VDR: variants seen among roughly 807,000 people sequenced by gnomAD.
VDR encodes vitamin D receptor.
In VDR, 19 loss-of-function variants were observed where a neutral mutation model predicts 39.7. The ratio of observed to expected loss-of-function variants is 0.48; its 90% CI spans 0.33 to 0.70. The LOEUF (loss-of-function observed/expected upper bound fraction) is 0.70, where lower values mean the gene tolerates loss of function less well. Ranked by LOEUF, VDR falls within the 30% of genes least tolerant of loss-of-function variation. VDR has a pLI of 0.02. For synonymous variants in VDR, 242 were observed against 215.8 expected, an observed-to-expected ratio of 1.12 and a Z score of -1.07; for missense variants, 442 against 570.5, an observed-to-expected ratio of 0.77 and a Z score of 2.29.
At chr12:47,851,943 G>A (rs1035903214) in intron 7 of VDR, among the ~76,000 whole-genome samples, 1 of 152,332 alleles carries the variant, frequency 6.6e-6, no homozygotes, top group Admixed American at 6.5e-5. Context: ...CTAGGGGACA[G>A]AGGAGAACAT....
At chr12:47,895,170 G>A (rs1426841520) in intron 1 of VDR, among the ~76,000 whole-genome samples, 1 of 152,228 alleles carries the variant, frequency 6.6e-6, no homozygotes, top group African/African-American at 2.4e-5. Context: ...AATAGGAGAG[G>A]AGGAGGAATA....
chr12:47,858,478 C>G (rs1201835026), intron 4 of VDR, among the ~76,000 whole-genome samples: 2 of 152,238 alleles, frequency 1.3e-5, no homozygotes, highest in Non-Finnish European at 2.9e-5. Context: ...AAGGGTGAGG[C>G]CTTGCAGCTC....
At chr12:47,893,078 T>C (rs996672213) in intron 1 of VDR, among the ~76,000 whole-genome samples, 1 of 152,204 alleles carries the variant, frequency 6.6e-6, no homozygotes. Context: ...GCCACACTCA[T>C]GTCAAAGGCC....
intron 3 of VDR, among the ~76,000 whole-genome samples, chr12:47,876,139 G>A (rs372908687): frequency 1.5e-4 from 23 of 152,224 alleles, no homozygotes; most frequent in South Asian, 4.1e-4. Flanking sequence ...GACCACAAAG[G>A]GGCTGCAAGT....
At chr12:47,882,623 G>GCCCCCGGCCCCCCC in intron 2 of VDR, 71 bp downstream of exon 2, 2 of 543,282 alleles carry the variant, frequency 3.7e-6, no homozygotes, top group East Asian at 3.6e-5. Flanking sequence ...ACCTTCTTAT[G>GCCCCCGGCCCCCCC]CCCCTCCCCC....
chr12:47,870,244 C>T (rs1342681515), intron 3 of VDR, among the ~76,000 whole-genome samples: 1 of 152,222 alleles, frequency 6.6e-6, no homozygotes, highest in African/African-American at 2.4e-5. Flanking sequence ...GTCATTTACT[C>T]TCTGCCCACG....
chr12:47,857,018 A>C (rs1945502300), intron 6 of VDR, 111 bp downstream of exon 6: 7 of 1,537,372 alleles, frequency 4.6e-6, no homozygotes, highest in Non-Finnish European at 6.3e-6. Context: ...TATTTATGTA[A>C]GTTTCCATTA....
intron 1 of VDR, among the ~76,000 whole-genome samples, chr12:47,883,849 G>A (rs11574037): frequency 9.3e-4 from 142 of 152,286 alleles, no homozygotes; most frequent in African/African-American, 3.3e-3. Context: ...AGCCGACTGA[G>A]GCCACTTGCC....
At chr12:47,849,854 A>G (rs1288169752) in intron 7 of VDR, among the ~76,000 whole-genome samples, 1 of 113,222 alleles carries the variant, frequency 8.8e-6, no homozygotes, top group Non-Finnish European at 1.9e-5. Flanking sequence ...TTATTTATTT[A>G]TTTTAATTTT....
At chr12:47,882,623 G>GCCCCCGGCCCCCCCC in intron 2 of VDR, 71 bp downstream of exon 2, 2 of 543,282 alleles carry the variant, frequency 3.7e-6, no homozygotes, top group East Asian at 3.6e-5. Flanking sequence ...ACCTTCTTAT[G>GCCCCCGGCCCCCCCC]CCCCTCCCCC....
At chr12:47,864,215 G>A (rs1945680901) in intron 4 of VDR, among the ~76,000 whole-genome samples, 1 of 152,240 alleles carries the variant, frequency 6.6e-6, no homozygotes, top group African/African-American at 2.4e-5. Flanking sequence ...CCAGCCCAGA[G>A]AGGGCCAGGC....
At chr12:47,860,164 C>T (rs139101576) in intron 4 of VDR, among the ~76,000 whole-genome samples, 1,702 of 152,104 alleles carry the variant, frequency 0.011, 34 homozygotes, top group African/African-American at 0.037. Flanking sequence ...TGGGGTTTCA[C>T]CATGTTGGCC....
intron 3 of VDR, among the ~76,000 whole-genome samples, chr12:47,876,046 C>A (rs1277739140): frequency 2.0e-5 from 3 of 152,106 alleles, no homozygotes; most frequent in African/African-American, 7.2e-5. Context: ...AAATGTAGCA[C>A]TAAATAGATT....
intron 4 of VDR, among the ~76,000 whole-genome samples, chr12:47,859,712 T>A (rs982026795): frequency 3.3e-5 from 5 of 152,192 alleles, no homozygotes; most frequent in African/African-American, 1.2e-4. Flanking sequence ...AGACTCATGG[T>A]TAGCACAGTT....
chr12:47,871,403 C>CTT (rs1945874025), intron 3 of VDR, among the ~76,000 whole-genome samples: 2 of 99,374 alleles, frequency 2.0e-5, no homozygotes, highest in African/African-American at 6.3e-5. Context: ...CTCTCTTTCT[C>CTT]TCTTTCTATC....
intron 1 of VDR, among the ~76,000 whole-genome samples, chr12:47,885,926 G>A (rs1946244511): frequency 6.6e-6 from 1 of 152,198 alleles, no homozygotes; most frequent in African/African-American, 2.4e-5. Context: ...CAACATTCAT[G>A]CCTCAGTGAG....
chr12:47,901,293 C>T (rs1946555860), intron 1 of VDR: 2 of 155,174 alleles, frequency 1.3e-5, no homozygotes, highest in African/African-American at 4.8e-5. Context: ...GGGGATCCCA[C>T]CCTTTGCATC....
At chr12:47,864,915 C>T in intron 4 of VDR, 132 bp downstream of exon 4, 1 of 1,493,328 alleles carries the variant, frequency 6.7e-7, no homozygotes, top group Non-Finnish European at 9.2e-7. Flanking sequence ...CCCACTGAGG[C>T]CCTGGCCCCA....
intron 4 of VDR, among the ~76,000 whole-genome samples, chr12:47,858,124 T>C (rs373364450): frequency 3.9e-5 from 6 of 152,256 alleles, no homozygotes; most frequent in East Asian, 1.9e-4. Context: ...GAAGTAATAA[T>C]ACCTGCCTCA....
Sources: gnomAD v4.1 joint callset for allele counts (sites outside exome capture counted in the v4.1 genomes callset) on GRCh38, gnomAD v4.1.1 for gene constraint, MANE v1.5 for transcripts, NCBI Gene and HGNC (gene_info 2026-07-23, HGNC 2026-07-21) for gene names.